The following ZNF66 variants were observed in gnomAD, a reference collection of about 807,000 sequenced individuals.
ZNF66 encodes putative zinc finger protein 66.
A neutral mutation model predicts 35.2 loss-of-function variants in ZNF66; 32 were observed. The ratio of observed to expected loss-of-function variants is 0.91; its 90% CI spans 0.69 to 1.22. The LOEUF is 1.22. ZNF66 is among the 50% of genes most tolerant of loss of function. The pLI, the probability that ZNF66 is intolerant of heterozygous loss-of-function variation, is 0.00. For synonymous variants in ZNF66, 231 were observed against 181.3 expected (o/e 1.27, Z -2.20); for missense variants, 666 against 543.1 (o/e 1.23, Z -2.25).
Position 20,809,977 on chromosome 19 carries a change from TGGA to T in ZNF66, c.*2659_*2661del. On this transcript the variant is annotated 3_prime_UTR_variant, in exon 4 of 4. Coordinates refer to ENST00000344519, the MANE Select transcript of ZNF66 (RefSeq NM_001355197.2). ...CACACATAGGCTCAAAATAAAAGGA[TGGA>T]GGAAGATCTACGAAGCAAATGGAAA... 6.6e-6 allele frequency among the ~76,000 whole-genome samples: 1 copy of T among 151,944 alleles called. No homozygotes were observed. The highest frequency in any genetic ancestry group is 1.5e-5 in the Non-Finnish European group (1 of 68,002).
chr19:20,787,170 T>C (rs557757271), intron 1 of ZNF66, among the ~76,000 whole-genome samples: 1 of 152,348 alleles, frequency 6.6e-6, no homozygotes, highest in Admixed American at 6.5e-5. Context: ...CAGCCCACTC[T>C]CTGTCCCTCT....
chr19:20,805,446 C>A (rs1971492444), intron 3 of ZNF66, among the ~76,000 whole-genome samples: 1 of 152,090 alleles, frequency 6.6e-6, no homozygotes, highest in Non-Finnish European at 1.5e-5. Context: ...CCCATGTCAG[C>A]CTCCCAAAGT....
At chr19:20,778,052 A>G (rs1325259926) in intron 1 of ZNF66, among the ~76,000 whole-genome samples, 2 of 152,152 alleles carry the variant, frequency 1.3e-5, no homozygotes, top group Non-Finnish European at 2.9e-5. Context: ...GAAACATGGT[A>G]CCTTCTAGAA....
Position 20,809,438 on chromosome 19 carries a change from G to A in ZNF66, c.*2116G>A, listed in dbSNP as rs1343408596. Among the ~76,000 whole-genome samples, 7 of 152,148 alleles carry A rather than the reference G, an allele frequency of 4.6e-5. No individual in the cohort carries two copies. The highest frequency in any genetic ancestry group is 1.2e-4 in the African/African-American group (5 of 41,496). ...TTAAGGGCAGCCAGAGAGAAAGGTCGGGTTACCCACAAAGGGAAGCCCATC... is the reference window on the plus strand; with the variant it reads ...TTAAGGGCAGCCAGAGAGAAAGGTCAGGTTACCCACAAAGGGAAGCCCATC... On this transcript the variant is annotated 3_prime_UTR_variant, in exon 4 of 4. Coordinates refer to ENST00000344519, the MANE Select transcript of ZNF66 (RefSeq NM_001355197.2).
intron 3 of ZNF66, chr19:20,794,273 T>C (rs1005682147): frequency 3.9e-5 from 8 of 202,812 alleles, no homozygotes; most frequent in African/African-American, 7.1e-5. Flanking sequence ...GTCTGAAATT[T>C]GTGAGAGTAG....
intron 1 of ZNF66, among the ~76,000 whole-genome samples, chr19:20,777,175 T>G (rs929108329): frequency 6.8e-6 from 1 of 147,938 alleles, no homozygotes; most frequent in Non-Finnish European, 1.5e-5. Flanking sequence ...AACAATTTAA[T>G]CAAAGAGTGA....
chr19:20,776,509 C>A, intron 1 of ZNF66, 59 bp downstream of exon 1: 1 of 1,494,650 alleles, frequency 6.7e-7, no homozygotes. Flanking sequence ...GGACTCAGGC[C>A]TCCCCTCAGT....
rs1165760433 is a variant in ZNF66 at position 20,805,146 on chromosome 19, A to AGAGAGAGAGT, written c.227-676_227-675insAGAGTGAGAG. ...GTGTGTGAGAGAGAGAGAGAGAGAG[A>AGAGAGAGAGT]GAGAGTCTCGCCCTGTTACCTATGC... On this transcript the variant is annotated intron_variant, in intron 3 of 3. Transcript: ENST00000344519. Among the ~76,000 whole-genome samples, 93 of 151,904 alleles carry AGAGAGAGAGT rather than the reference A, an allele frequency of 6.1e-4. No homozygotes were observed. The East Asian group carries it at 0.017, about 28-fold the overall frequency.
chr19:20,801,189 C>CT (rs1971444410), intron 3 of ZNF66, among the ~76,000 whole-genome samples: 1 of 152,012 alleles, frequency 6.6e-6, no homozygotes, highest in Non-Finnish European at 1.5e-5. Context: ...TGGTACATAA[C>CT]TTTTTTTCAT....
At chr19:20,799,479 T>C (rs959081874) in intron 3 of ZNF66, 2 of 147,096 alleles carry the variant, frequency 1.4e-5, no homozygotes, top group African/African-American at 5.0e-5. Context: ...TTACACCTAA[T>C]GAGTGTGAGG....
At chr19:20,797,189 A>ATTTTTTTTTTTTTTTTTTTT (rs142052913) in intron 3 of ZNF66, among the ~76,000 whole-genome samples, 4 of 45,480 alleles carry the variant, frequency 8.8e-5, no homozygotes, top group Admixed American at 3.9e-4. Context: ...TGCATGCTAG[A>ATTTTTTTTTTTTTTTTTTTT]TTTTTTTTTT....
At chr19:20,784,565 T>C (rs1272918616) in intron 1 of ZNF66, 1 of 152,222 alleles carries the variant, frequency 6.6e-6, no homozygotes, top group Non-Finnish European at 1.5e-5. Flanking sequence ...TATATTCCAC[T>C]ATACGAACAC....
intron 3 of ZNF66, among the ~76,000 whole-genome samples, chr19:20,803,863 T>A (rs1328818455): frequency 1.3e-5 from 2 of 152,168 alleles, no homozygotes. Flanking sequence ...TTATTCTCAC[T>A]TGAAAGCTTT....
At chr19:20,801,702 C>T (rs979527910) in intron 3 of ZNF66, among the ~76,000 whole-genome samples, 1 of 151,980 alleles carries the variant, frequency 6.6e-6, no homozygotes, top group African/African-American at 2.4e-5. Context: ...GCATGGCTCA[C>T]GGCTGCTTGA....
chr19:20,790,019 T>G (rs1217070372), intron 1 of ZNF66, among the ~76,000 whole-genome samples: 1 of 152,198 alleles, frequency 6.6e-6, no homozygotes, highest in Admixed American at 6.6e-5. Context: ...CTCTAACTAA[T>G]GTAAATAATG....
At chr19:20,800,009 T>A (rs537718735) in intron 3 of ZNF66, among the ~76,000 whole-genome samples, 4 of 152,214 alleles carry the variant, frequency 2.6e-5, no homozygotes, top group Non-Finnish European at 5.9e-5. Context: ...ATAATTTTAG[T>A]GTTTTTAAAG....
At chr19:20,801,621 A>G (rs948640530) in intron 3 of ZNF66, among the ~76,000 whole-genome samples, 2 of 152,086 alleles carry the variant, frequency 1.3e-5, no homozygotes, top group African/African-American at 4.8e-5. Context: ...TTGGGATTAC[A>G]GGTGTGAGCC....
Position 20,791,856 on chromosome 19 carries a change from T to A in ZNF66, c.4-656T>A, listed in dbSNP as rs1252337067. Among the ~76,000 whole-genome samples the A allele has an allele frequency of 2.0e-5, 3 of 152,186 alleles. No homozygotes were observed. In the East Asian group the frequency reaches 5.8e-4, roughly 29 times the overall value. ...CTTTTTTTTACTATATAGCTAATTA[T>A]TTTTCTCTTCATTATTAAGTTTCAT... is the stretch of plus-strand genomic sequence containing the variant. On this transcript the variant is annotated intron_variant, in intron 1 of 3. Transcript: ENST00000344519.
At chr19:20,783,171 A>G (rs545397221) in intron 1 of ZNF66, among the ~76,000 whole-genome samples, 52 of 152,132 alleles carry the variant, frequency 3.4e-4, no homozygotes, top group African/African-American at 1.3e-3. Flanking sequence ...GGGTGGCATT[A>G]TTTCTGGGCT....
Sources: allele counts gnomAD v4.1 joint callset (sites outside exome capture counted in the v4.1 genomes callset), GRCh38; gene constraint gnomAD v4.1.1; transcripts MANE v1.5; gene names NCBI Gene and HGNC (gene_info 2026-07-23, HGNC 2026-07-21).